Variants in RPH3AL observed in about 807,000 individuals in gnomAD.
RPH3AL encodes rab effector Noc2.
Under a neutral mutation model 43.1 loss-of-function variants are expected in RPH3AL, and 38 were observed. That is an observed-to-expected ratio of 0.88 (90% confidence interval 0.68 to 1.15). The LOEUF (loss-of-function observed/expected upper bound fraction) is 1.15, where lower values mean the gene tolerates loss of function less well. RPH3AL is among the 50% of genes most tolerant of loss of function. The pLI, the probability that RPH3AL is intolerant of heterozygous loss-of-function variation, is 0.00. For synonymous variants in RPH3AL, 189 were observed against 176.3 expected (o/e 1.07, Z -0.57); for missense variants, 462 against 423.2 (o/e 1.09, Z -0.81).
At chr17:350,713 C>T (rs758791453) in intron 1 of RPH3AL, among the ~76,000 whole-genome samples, 4 of 152,200 alleles carry the variant, frequency 2.6e-5, no homozygotes, top group Non-Finnish European at 5.9e-5. Context: ...TCCCTGAATG[C>T]TGGTGAACTT....
At chr17:340,042 G>T (rs2045069616) in intron 1 of RPH3AL, among the ~76,000 whole-genome samples, 1 of 151,996 alleles carries the variant, frequency 6.6e-6, no homozygotes, top group South Asian at 2.1e-4. Context: ...GAGCCCTGGG[G>T]CATTTTCAAA....
rs762042944 is a variant in RPH3AL, at chr17:272,988, G to A, written c.438+8780C>T. 9.5e-3 allele frequency among the ~76,000 whole-genome samples: 357 copies of A among 37,628 alleles called. 8 individuals are homozygous for A. The highest frequency in any genetic ancestry group is 0.022 in the African/African-American group (255 of 11,662). 24.7% of individuals were successfully genotyped at this position (37,628 alleles called of 152,430 possible). On this transcript the variant is annotated intron_variant, in intron 6 of 9. Transcript: ENST00000331302. ...AGGGTGAGACCCCAGCAAGGGCTAC[G>A]TCAGGGTGAGACCCCAGCGAGGGCG... is the stretch of plus-strand genomic sequence containing the variant.
At chr17:262,653 C>G (rs572143908) in intron 6 of RPH3AL, among the ~76,000 whole-genome samples, 2 of 152,188 alleles carry the variant, frequency 1.3e-5, no homozygotes, top group African/African-American at 4.8e-5. Flanking sequence ...GTTTACATCT[C>G]CCCTGTGACC....
chr17:339,817 T>A (rs566990558), intron 1 of RPH3AL, among the ~76,000 whole-genome samples: 44 of 152,070 alleles, frequency 2.9e-4, no homozygotes, highest in Admixed American at 1.1e-3. Context: ...GAGCACAGAG[T>A]TCCCAGAAAC....
chr17:279,880 G>T (rs1402797760), intron 6 of RPH3AL, among the ~76,000 whole-genome samples: 1 of 152,172 alleles, frequency 6.6e-6, no homozygotes, highest in Non-Finnish European at 1.5e-5. Context: ...TATGCTGGAG[G>T]TTTTGCCCAC....
At chr17:316,523 C>T (rs1285413008) in intron 5 of RPH3AL, among the ~76,000 whole-genome samples, 43 of 140,892 alleles carry the variant, frequency 3.1e-4, no homozygotes, top group African/African-American at 9.4e-4. Context: ...CCTCCAGTGA[C>T]CTGTAGTCCC....
intron 5 of RPH3AL, 120 bp from the exon 6 acceptor site, chr17:281,974 G>A (rs1333623074): frequency 1.3e-6 from 1 of 745,952 alleles, no homozygotes; most frequent in Non-Finnish European, 2.4e-6. Flanking sequence ...CTTGCTTCAG[G>A]ATAGAAGGAA....
intron 6 of RPH3AL, among the ~76,000 whole-genome samples, chr17:254,383 C>T (rs1236671895): frequency 2.8e-4 from 2 of 7,242 alleles, no homozygotes; most frequent in Non-Finnish European, 4.3e-4. Flanking sequence ...GGGAGCTGCA[C>T]GGCGTCTGTC....
chr17:350,642 T>A (rs1032961051), intron 1 of RPH3AL, among the ~76,000 whole-genome samples: 2 of 152,168 alleles, frequency 1.3e-5, no homozygotes, highest in Non-Finnish European at 2.9e-5. Context: ...ACACAGTATC[T>A]GGTACCTAGC....
intron 5 of RPH3AL, among the ~76,000 whole-genome samples, chr17:284,739 A>G (rs1274496483): frequency 6.6e-6 from 1 of 152,152 alleles, no homozygotes; most frequent in African/African-American, 2.4e-5. Context: ...CCTCTGCCCC[A>G]TCGTAGTCAG....
chr17:337,019 C>T (rs980178938), intron 1 of RPH3AL, among the ~76,000 whole-genome samples: 1 of 152,196 alleles, frequency 6.6e-6, no homozygotes, highest in Non-Finnish European at 1.5e-5. Flanking sequence ...ACCTGTTACC[C>T]CGATGCCCAG....
chr17:273,021 GAAGAGACCCCAGCGAGGGCGAC>G (rs2042536311), intron 6 of RPH3AL, among the ~76,000 whole-genome samples: 1 of 119,584 alleles, frequency 8.4e-6, no homozygotes, highest in African/African-American at 2.8e-5. Flanking sequence ...GCGACATCAG[GAAGAGACCCCAGCGAGGGCGAC>G]GTCAGGGAGA....
rs1555521420 is a variant in RPH3AL at position 317,461 on chromosome 17, T to C, written c.351+1959A>G. ...TGTAGTCCATGTGCCCCCACCTCCA[T>C]TGACCTGTAGTTTCTGTGCTCCACA... On this transcript the variant is annotated intron_variant, in intron 5 of 9. Coordinates refer to ENST00000331302, the MANE Select transcript of RPH3AL (RefSeq NM_006987.4). 4.2e-5 allele frequency among the ~76,000 whole-genome samples: 6 copies of C among 141,438 alleles called. No homozygotes were observed. In the South Asian group the frequency reaches 7.1e-4, roughly 17 times the overall value. The allele number at this position is 141,438 out of a possible 152,430, so 92.8% of individuals were successfully genotyped here.
intron 7 of RPH3AL, among the ~76,000 whole-genome samples, chr17:242,320 CCTTCCTCTATTGACTA>C (rs2041566066): frequency 2.0e-5 from 2 of 102,346 alleles, no homozygotes; most frequent in Non-Finnish European, 4.4e-5. Flanking sequence ...CTATTGACTA[CCTTCCTCTATTGACTA>C]CCTTCCTCTA....
chr17:252,398 G>A (rs571882150), intron 6 of RPH3AL, among the ~76,000 whole-genome samples: 11 of 152,178 alleles, frequency 7.2e-5, no homozygotes, highest in South Asian at 2.1e-4. Context: ...TGACCATGGC[G>A]GTGTGAATTT....
intron 7 of RPH3AL, among the ~76,000 whole-genome samples, chr17:228,334 G>A (rs2041151656): frequency 6.6e-6 from 1 of 152,104 alleles, no homozygotes; most frequent in Non-Finnish European, 1.5e-5. Context: ...TGAGTGCCCG[G>A]CCCTGGAGCA....
chr17:331,410 A>T, intron 2 of RPH3AL: 1 of 315,780 alleles, frequency 3.2e-6, no homozygotes. Context: ...CCACGTTCAC[A>T]GGGGTGGCCC....
At position 247,220 on chromosome 17, in the gene RPH3AL, G is replaced by C; in HGVS notation, c.504C>G (p.Thr168=). 1.2e-6 allele frequency: 2 copies of C among 1,613,334 alleles called. No homozygotes were observed. The highest frequency in any genetic ancestry group is 1.7e-6 in the Non-Finnish European group (2 of 1,179,650). ...AGTGGGGGTCATCAGCTCGGCCAGGGGTCTTCAGGGGCAAGATATACTTGG... is the reference window on the plus strand; with the variant it reads ...AGTGGGGGTCATCAGCTCGGCCAGGCGTCTTCAGGGGCAAGATATACTTGG... ...GLPKYILPLK[T]PGRADDPHFR... Residue 168 remains threonine (T), a synonymous_variant, in exon 7 of 10, where the codon ACC becomes ACG. Transcript: ENST00000331302.
chr17:291,087 T>G (rs1055772533), intron 5 of RPH3AL, among the ~76,000 whole-genome samples: 4 of 152,204 alleles, frequency 2.6e-5, no homozygotes, highest in African/African-American at 7.2e-5. Context: ...GCTGTGGAGA[T>G]GAACACTGAA....
Sources: gnomAD v4.1 joint callset for allele counts (sites outside exome capture counted in the v4.1 genomes callset) on GRCh38, gnomAD v4.1.1 for gene constraint, MANE v1.5 for transcripts, NCBI Gene and HGNC (gene_info 2026-07-23, HGNC 2026-07-21) for gene names.